ZBTB1: variants seen among roughly 807,000 people sequenced by gnomAD.
ZBTB1 encodes zinc finger and BTB domain-containing protein 1.
In ZBTB1, 13 loss-of-function variants were observed where a neutral mutation model predicts 51.6. The observed-to-expected ratio is 0.25, with a 90% CI of 0.16 to 0.40. The LOEUF is 0.40. ZBTB1 is among the 10% of genes least tolerant of loss of function. ZBTB1 has a pLI of 1.00. For synonymous variants in ZBTB1, 240 were observed against 282.2 expected (o/e 0.85, Z 1.50); for missense variants, 567 against 856.5 (o/e 0.66, Z 4.22).
chr14:64,529,631 C>T (rs1326158230), downstream of ZBTB1, among the ~76,000 whole-genome samples: 1 of 151,978 alleles, frequency 6.6e-6, no homozygotes, highest in Non-Finnish European at 1.5e-5. Flanking sequence ...ATTAGCCGGG[C>T]ATGGTGGTGC....
intron 1 of ZBTB1, chr14:64,514,301 T>C (rs553881114): frequency 6.6e-6 from 1 of 152,310 alleles, no homozygotes; most frequent in African/African-American, 2.4e-5. Context: ...GGGTGCTGAA[T>C]TGGGACTGTG....
chr14:64,528,514 C>T (rs2079921446), downstream of ZBTB1, among the ~76,000 whole-genome samples: 1 of 152,028 alleles, frequency 6.6e-6, no homozygotes, highest in Non-Finnish European at 1.5e-5. Flanking sequence ...CCAAAAAGCT[C>T]TGGGGGAACA....
chr14:64,515,559 C>T (rs867791505), intron 1 of ZBTB1, among the ~76,000 whole-genome samples: 15 of 144,292 alleles, frequency 1.0e-4, no homozygotes, highest in South Asian at 4.3e-4. Flanking sequence ...CTTGCTCTGT[C>T]GCCCAGGCTG....
chr14:64,521,369 A>G, intron 1 of ZBTB1, 118 bp from the exon 2 acceptor site: 1 of 704,210 alleles, frequency 1.4e-6, no homozygotes, highest in Non-Finnish European at 2.2e-6. Flanking sequence ...TTAGAATGGA[A>G]AGCTCTTAAT....
chr14:64,523,222 A>T lies in ZBTB1; in HGVS notation c.1718A>T (p.Asp573Val). 1 of 1,614,198 alleles carries T rather than the reference A, an allele frequency of 6.2e-7. No individual in the cohort carries two copies. The highest frequency in any genetic ancestry group is 8.5e-7 in the Non-Finnish European group (1 of 1,180,032). Reference sequence around the variant, plus strand: ...GCCATCATGGAAGAAAATGAAAGAGATCACAGACGAAAGCATTTTTGTAAT... The same window carrying T: ...GCCATCATGGAAGAAAATGAAAGAGTTCACAGACGAAAGCATTTTTGTAAT... ...KSAIMEENER[D>V]HRRKHFCNLC... The change falls in exon 2 of 2, where the codon GAT becomes GTT. Residue 573 changes from aspartate to valine, a missense_variant. Asp to Val is a radical substitution (Grantham distance 152). This residue lies in a region of ZBTB1 where 329 missense variants were observed against 406.3 expected (regional missense o/e 0.81). Coordinates refer to ENST00000683701, the MANE Select transcript of ZBTB1 (RefSeq NM_001123329.2). This position sits in a 1 kb window ranked among gnomAD's most constrained non-coding sequence, Gnocchi z 4.5.
chr14:64,513,155 CACAT>C (rs2079743037), intron 1 of ZBTB1, among the ~76,000 whole-genome samples: 2 of 151,964 alleles, frequency 1.3e-5, no homozygotes, highest in South Asian at 4.1e-4. Context: ...CAGATATGCA[CACAT>C]ACACACATAC....
intron 1 of ZBTB1, among the ~76,000 whole-genome samples, chr14:64,515,887 T>C (rs928778648): frequency 1.8e-4 from 28 of 152,160 alleles, no homozygotes; most frequent in Admixed American, 5.9e-4. Context: ...TTTAGATCCC[T>C]CCTCCCCTGC....
At chr14:64,525,007 TTTAA>T, downstream of ZBTB1, 1 of 843,896 alleles carries the variant, frequency 1.2e-6, no homozygotes, top group Non-Finnish European at 1.4e-6. Flanking sequence ...TGAAAGGGAT[TTTAA>T]TTAACTCCTA....
At chr14:64,521,155 A>G (rs1019223650) in intron 1 of ZBTB1, among the ~76,000 whole-genome samples, 10 of 152,064 alleles carry the variant, frequency 6.6e-5, no homozygotes, top group African/African-American at 2.4e-5. Flanking sequence ...GAGCCACTGC[A>G]CTCGGCCTCC....
exon 3 of ZBTB1, chr14:64,533,586 T>C (rs1393189302): frequency 6.6e-6 from 1 of 152,542 alleles, no homozygotes; most frequent in Admixed American, 6.5e-5. Context: ...TTTCTGTATT[T>C]TAGTATATAG....
intron 1 of ZBTB1, chr14:64,516,452 T>C (rs1219122914): frequency 6.6e-6 from 1 of 152,200 alleles, no homozygotes; most frequent in African/African-American, 2.4e-5. Flanking sequence ...ACTGTTGTGT[T>C]AGGATTAAAA....
exon 3 of ZBTB1, chr14:64,532,119 A>G: frequency 2.1e-6 from 1 of 470,220 alleles, no homozygotes; most frequent in East Asian, 3.5e-5. Flanking sequence ...GGTGACTCTA[A>G]TATTTGTGTA....
At chr14:64,513,000 A>G (rs1263451260) in intron 1 of ZBTB1, among the ~76,000 whole-genome samples, 2 of 152,184 alleles carry the variant, frequency 1.3e-5, no homozygotes, top group Non-Finnish European at 2.9e-5. Flanking sequence ...GTTATATAAC[A>G]CTGTATGCCT....
At chr14:64,509,692 G>T (rs534309265) in intron 1 of ZBTB1, among the ~76,000 whole-genome samples, 1 of 151,884 alleles carries the variant, frequency 6.6e-6, no homozygotes, top group Non-Finnish European at 1.5e-5. Context: ...GGATCTGGCC[G>T]GGTGTGTGGT....
rs1018924425 is a variant in ZBTB1 at position 64,504,819 on chromosome 14, C to T, written c.-146C>T. ...CCAGAGCCTCTCCGCGCAGCCCAGC[C>T]CGAGCGCCGAGCGCCGCGCGCCGCC... On this transcript the variant is annotated 5_prime_UTR_variant, in exon 1 of 2. Transcript: ENST00000683701. The T allele has an allele frequency of 7.7e-6, 3 of 389,040 alleles. No individual in the cohort carries two copies. The South Asian group carries it at 3.9e-4, about 50-fold the overall frequency. 24.1% of individuals were successfully genotyped at this position (389,040 alleles called of 1,614,324 possible). A position where few individuals can be genotyped will look rare whatever the true frequency, so the allele number is the denominator to read the frequency against.
rs141088293 is a variant in ZBTB1 at position 64,523,666 on chromosome 14, A to G, written c.*20A>G. 1.1e-4 allele frequency: 174 copies of G among 1,522,312 alleles called. 1 individual carries two copies. The African/African-American group carries it at 2.3e-3, about 20-fold the overall frequency. The allele number at this position is 1,522,312 out of a possible 1,614,324, so 94.3% of individuals were successfully genotyped here. A position where few individuals can be genotyped will look rare whatever the true frequency, so the allele number is the denominator to read the frequency against. ...ACCTGAGTGATTTTCTACTGTACTA[A>G]TGTTTAGATGATAGCAGATAAAACA... On this transcript the variant is annotated 3_prime_UTR_variant, in exon 2 of 2. Coordinates refer to ENST00000683701, the MANE Select transcript of ZBTB1 (RefSeq NM_001123329.2). The surrounding 1 kb of genome is among the most constrained non-coding windows in gnomAD (Gnocchi z 4.5).
chr14:64,523,559 G>A lies in ZBTB1; in HGVS notation c.2055G>A (p.Leu685=). Residue 685 remains leucine (L), a synonymous_variant, in exon 2 of 2, where the codon CTG becomes CTA. Coordinates refer to ENST00000683701, the MANE Select transcript of ZBTB1 (RefSeq NM_001123329.2). This position sits in a 1 kb window ranked among gnomAD's most constrained non-coding sequence, Gnocchi z 4.5. ...TGGAGCAGCACATGGATGTTCATCT[G>A]TATACATGTGGAATATGTGGAGCAA... ...EQLEQHMDVH[L]YTCGICGAKF... The A allele has an allele frequency of 6.4e-7, 1 of 1,563,446 alleles. No homozygotes were observed. Among genetic ancestry groups the A allele is most frequent in the Non-Finnish European group, 8.7e-7 (1 of 1,153,218 alleles).
exon 3 of ZBTB1, chr14:64,533,506 T>C (rs966454075): frequency 6.6e-6 from 1 of 152,586 alleles, no homozygotes; most frequent in Non-Finnish European, 1.5e-5. Flanking sequence ...AAATTTTGAC[T>C]GTACTAACTA....
intron 1 of ZBTB1, among the ~76,000 whole-genome samples, chr14:64,508,460 T>C (rs922038501): frequency 6.6e-6 from 1 of 152,160 alleles, no homozygotes; most frequent in Non-Finnish European, 1.5e-5. Flanking sequence ...TGAGAGCTTT[T>C]AGATTCATGA....
Sources: gnomAD v4.1 joint callset for allele counts (sites outside exome capture counted in the v4.1 genomes callset) on GRCh38, gnomAD v4.1.1 for gene constraint, gnomAD v4.1.1 regional missense constraint, Gnocchi (gnomAD v3.1) non-coding constraint, MANE v1.5 for transcripts, NCBI Gene and HGNC (gene_info 2026-07-23, HGNC 2026-07-21) for gene names.